MFHAS1: variants seen among roughly 807,000 people sequenced by gnomAD.
The protein encoded by MFHAS1 is malignant fibrous histiocytoma-amplified sequence 1.
MFHAS1 carries 50 observed loss-of-function variants against 70.4 expected under a neutral mutation model. The observed-to-expected ratio is 0.71, with a 90% CI of 0.57 to 0.90. MFHAS1 has a LOEUF of 0.90. Ranked by LOEUF, MFHAS1 falls within the 40% of genes least tolerant of loss-of-function variation. The probability of loss-of-function intolerance (pLI) is 0.00; values close to 1 mark genes in which losing one functional copy is unlikely to be tolerated. For missense variants in MFHAS1, 1,795 were observed against 1,347.6 expected, an observed-to-expected ratio of 1.33 and a Z score of -5.20; for synonymous variants, 952 against 620.0, an observed-to-expected ratio of 1.54 and a Z score of -7.96.
At position 8,786,054 on chromosome 8, in the gene MFHAS1, T is replaced by G; in HGVS notation, c.3127A>C (p.Lys1043Gln). ...TTTCTGTGCTTTTCACCAACATTCT[T>G]CCTGTATGGGTGGACAACAAGAAAG... ...TPTVISPCSK[K>Q]NVGEKHRNQ is the part of the protein sequence containing the mutation. The change falls in exon 3 of 3, where the codon AAG becomes CAG. Residue 1043 changes from lysine (K) to glutamine (Q), a missense_variant and splice_region_variant. Transcript: ENST00000276282. The G allele has an allele frequency of 6.2e-7, 1 of 1,614,014 alleles. No homozygotes were observed. Among genetic ancestry groups the G allele is most frequent in the Non-Finnish European group, 8.5e-7 (1 of 1,179,940 alleles).
intron 1 of MFHAS1, among the ~76,000 whole-genome samples, chr8:8,837,426 G>C (rs1807638830): frequency 6.6e-6 from 1 of 152,168 alleles, no homozygotes; most frequent in African/African-American, 2.4e-5. Flanking sequence ...GATCACTTGA[G>C]AGATCAGGAG....
chr8:8,817,750 T>C (rs1221658731), intron 1 of MFHAS1, among the ~76,000 whole-genome samples: 1 of 152,192 alleles, frequency 6.6e-6, no homozygotes, highest in Non-Finnish European at 1.5e-5. Flanking sequence ...CTTCAGATCA[T>C]TAGGCATTAG....
At chr8:8,808,768 A>T (rs1334025223) in intron 1 of MFHAS1, among the ~76,000 whole-genome samples, 4 of 152,188 alleles carry the variant, frequency 2.6e-5, no homozygotes, top group Non-Finnish European at 5.9e-5. Flanking sequence ...TTTCCAATTG[A>T]TGGCAATTGG....
chr8:8,822,988 G>C (rs554771373), intron 1 of MFHAS1, among the ~76,000 whole-genome samples: 1 of 152,272 alleles, frequency 6.6e-6, no homozygotes, highest in East Asian at 1.9e-4. Context: ...CCAGGCATGG[G>C]ATCCCGCACA....
chr8:8,794,720 T>C (rs1805833956), intron 2 of MFHAS1, among the ~76,000 whole-genome samples: 1 of 152,008 alleles, frequency 6.6e-6, no homozygotes, highest in Non-Finnish European at 1.5e-5. Flanking sequence ...CTGTCATCCA[T>C]TTCATGAGAC....
chr8:8,874,545 AT>A (rs1809217012), intron 1 of MFHAS1, among the ~76,000 whole-genome samples: 1 of 152,168 alleles, frequency 6.6e-6, no homozygotes, highest in South Asian at 2.1e-4. Flanking sequence ...AGCAAGAAAC[AT>A]TTTACAGAGG....
chr8:8,842,334 C>T (rs1807863924), intron 1 of MFHAS1, among the ~76,000 whole-genome samples: 1 of 152,080 alleles, frequency 6.6e-6, no homozygotes, highest in African/African-American at 2.4e-5. Context: ...TACAGGCACC[C>T]ACCACCAAGC....
At chr8:8,808,865 C>T (rs578098967) in intron 1 of MFHAS1, among the ~76,000 whole-genome samples, 1 of 152,252 alleles carries the variant, frequency 6.6e-6, no homozygotes, top group East Asian at 1.9e-4. Flanking sequence ...GACTCTATAG[C>T]AAGGGTGCCC....
At chr8:8,801,214 CA>C (rs886514145) in intron 1 of MFHAS1, among the ~76,000 whole-genome samples, 89 of 139,520 alleles carry the variant, frequency 6.4e-4, no homozygotes, top group African/African-American at 9.2e-4. Context: ...GACTCTGTCT[CA>C]AAAAAAAAAA....
At chr8:8,826,247 AGTGT>A (rs112140342) in intron 1 of MFHAS1, among the ~76,000 whole-genome samples, 2,079 of 147,860 alleles carry the variant, frequency 0.014, 17 homozygotes, top group African/African-American at 0.018. Context: ...AAACACAAAG[AGTGT>A]GTGTGTGTGT....
chr8:8,814,001 T>C lies in MFHAS1; in HGVS notation c.2999-16510A>G, dbSNP rs144788905. ...TTGCCCATGCTGGAGTGCAGGGGCA[T>C]GATCTCGGTCACTGCAACCTTCACC... On this transcript the variant is annotated intron_variant, in intron 1 of 2. Coordinates refer to ENST00000276282, the MANE Select transcript of MFHAS1 (RefSeq NM_004225.3). 4.5e-3 allele frequency among the ~76,000 whole-genome samples: 687 copies of C among 151,770 alleles called. 5 individuals are homozygous for C. The highest frequency in any genetic ancestry group is 6.2e-3 in the Non-Finnish European group (418 of 67,914).
At chr8:8,886,878 C>G (rs1166298055) in intron 1 of MFHAS1, among the ~76,000 whole-genome samples, 1 of 152,194 alleles carries the variant, frequency 6.6e-6, no homozygotes, top group Middle Eastern at 3.2e-3. Context: ...ATAATCCCAG[C>G]ACTTTGCGAG....
chr8:8,830,626 G>A (rs138559223), intron 1 of MFHAS1, among the ~76,000 whole-genome samples: 225 of 152,268 alleles, frequency 1.5e-3, no homozygotes, highest in Middle Eastern at 3.4e-3. Flanking sequence ...TTTTTGAGAT[G>A]GATTCTTGCT....
chr8:8,845,706 T>C (rs943095454), intron 1 of MFHAS1, among the ~76,000 whole-genome samples: 1 of 152,210 alleles, frequency 6.6e-6, no homozygotes, highest in African/African-American at 2.4e-5. Flanking sequence ...CACTTATCCC[T>C]ATAGAAAAGC....
intron 1 of MFHAS1, among the ~76,000 whole-genome samples, chr8:8,843,624 G>T (rs970593468): frequency 1.3e-5 from 2 of 152,118 alleles, no homozygotes; most frequent in African/African-American, 2.4e-5. Context: ...GAGAGAGAAA[G>T]CAGGGAGCGG....
chr8:8,802,862 C>T (rs540927145), intron 1 of MFHAS1, among the ~76,000 whole-genome samples: 2 of 152,272 alleles, frequency 1.3e-5, no homozygotes, highest in East Asian at 1.9e-4. Flanking sequence ...GCCACCCACA[C>T]GGGATGCTGA....
chr8:8,852,043 T>C (rs1585051905), intron 1 of MFHAS1, among the ~76,000 whole-genome samples: 1 of 152,126 alleles, frequency 6.6e-6, no homozygotes, highest in Admixed American at 6.6e-5. Flanking sequence ...GAGTGGGTGG[T>C]GGAATGCCGG....
chr8:8,885,981 C>T (rs973998861), intron 1 of MFHAS1, among the ~76,000 whole-genome samples: 5 of 152,180 alleles, frequency 3.3e-5, no homozygotes, highest in African/African-American at 7.2e-5. Flanking sequence ...GACATTTAGG[C>T]TTCATCATAG....
intron 1 of MFHAS1, among the ~76,000 whole-genome samples, chr8:8,809,329 T>C (rs75478310): frequency 0.033 from 5,094 of 152,274 alleles, 150 homozygotes; most frequent in South Asian, 0.12. Flanking sequence ...CCGAACAAGG[T>C]TGGAGACAGC....
Sources: gnomAD v4.1 joint callset for allele counts (sites outside exome capture counted in the v4.1 genomes callset) on GRCh38, gnomAD v4.1.1 for gene constraint, MANE v1.5 for transcripts, NCBI Gene and HGNC (gene_info 2026-07-23, HGNC 2026-07-21) for gene names.